MEF2A: variants seen among roughly 807,000 people sequenced by gnomAD.
MEF2A encodes myocyte-specific enhancer factor 2A.
Under a neutral mutation model 55.8 loss-of-function variants are expected in MEF2A, and 28 were observed. The observed-to-expected ratio is 0.50, with a 90% CI of 0.37 to 0.69. MEF2A has a LOEUF of 0.69. MEF2A is among the 30% of genes least tolerant of loss of function. The pLI, the probability that MEF2A is intolerant of heterozygous loss-of-function variation, is 0.00. For missense variants in MEF2A, 528 were observed against 626.2 expected (o/e 0.84, Z 1.67); for synonymous variants, 239 against 227.1 (o/e 1.05, Z -0.47).
intron 4 of MEF2A, among the ~76,000 whole-genome samples, chr15:99,646,742 T>C (rs1291429232): frequency 1.3e-5 from 2 of 152,134 alleles, no homozygotes; most frequent in Non-Finnish European, 2.9e-5. Context: ...CAAGTTGTTA[T>C]TGTTCCGAAA....
intron 2 of MEF2A, among the ~76,000 whole-genome samples, chr15:99,629,439 G>T (rs890031186): frequency 6.6e-6 from 1 of 152,192 alleles, no homozygotes; most frequent in Non-Finnish European, 1.5e-5. Flanking sequence ...GTCTGGGGTC[G>T]GGTCGTACAA....
chr15:99,614,587 A>G (rs2039881361), intron 2 of MEF2A, among the ~76,000 whole-genome samples: 1 of 152,190 alleles, frequency 6.6e-6, no homozygotes, highest in South Asian at 2.1e-4. Flanking sequence ...CAAACATTTA[A>G]TTGTATAAGG....
chr15:99,591,413 G>C (rs1433088634), intron 1 of MEF2A, among the ~76,000 whole-genome samples: 4 of 151,916 alleles, frequency 2.6e-5, no homozygotes, highest in African/African-American at 9.7e-5. Flanking sequence ...TATTATCTTT[G>C]TTCCTCTGTG....
intron 4 of MEF2A, among the ~76,000 whole-genome samples, chr15:99,652,443 G>A (rs1350843616): frequency 2.0e-5 from 3 of 152,162 alleles, no homozygotes; most frequent in Admixed American, 1.3e-4. Flanking sequence ...AACAGGGTCT[G>A]TGGCCCCGGG....
chr15:99,571,373 G>A (rs764993720), intron 1 of MEF2A, among the ~76,000 whole-genome samples: 1 of 152,164 alleles, frequency 6.6e-6, no homozygotes. Context: ...AGGATTAAAT[G>A]AGGTGTGTAT....
intron 3 of MEF2A, among the ~76,000 whole-genome samples, chr15:99,639,066 A>T (rs1364488675): frequency 6.6e-6 from 1 of 152,194 alleles, no homozygotes; most frequent in Non-Finnish European, 1.5e-5. Context: ...GCAGTTTAAA[A>T]ATAAAAGTTT....
rs779351665 is a variant in MEF2A, at chr15:99,671,447, G to A, written c.383G>A (p.Arg128Gln). Residue 128 changes from arginine to glutamine, a missense_variant, in exon 5 of 12, where the codon CGA (arginine) becomes CAA (glutamine). Around this residue, in one of 2 missense-constraint regions of MEF2A, gnomAD observed 450 missense variants for 475.3 expected, o/e 0.95. Transcript: ENST00000557942. ...GAAGATAGTGATTTTATTTTCAAACGAGGCCCTGTAAGTACTTTTACTTTA... is the reference window on the plus strand; with the variant it reads ...GAAGATAGTGATTTTATTTTCAAACAAGGCCCTGTAAGTACTTTTACTTTA... ...LNEDSDFIFK[R>Q]GPPGLPPQNF... 17 of 1,613,786 alleles carry A rather than the reference G, an allele frequency of 1.1e-5. No individual in the cohort carries two copies. The highest frequency in any genetic ancestry group is 1.4e-5 in the Non-Finnish European group (17 of 1,179,828).
intron 1 of MEF2A, among the ~76,000 whole-genome samples, chr15:99,585,493 A>G (rs1201433220): frequency 6.6e-6 from 1 of 152,226 alleles, no homozygotes; most frequent in Admixed American, 6.5e-5. Context: ...AAAAAATTAT[A>G]GTATTCAGCT....
intron 2 of MEF2A, among the ~76,000 whole-genome samples, chr15:99,626,295 A>T (rs2042041173): frequency 6.6e-6 from 1 of 152,142 alleles, no homozygotes; most frequent in Admixed American, 6.5e-5. Context: ...TTATTTCTAT[A>T]GAGTAAGTTG....
intron 2 of MEF2A, among the ~76,000 whole-genome samples, chr15:99,600,031 A>G (rs1466971740): frequency 6.6e-6 from 1 of 152,132 alleles, no homozygotes; most frequent in African/African-American, 2.4e-5. Context: ...AGGATCCTGG[A>G]ACCAATTTCC....
At chr15:99,571,337 T>C (rs936636171) in intron 1 of MEF2A, among the ~76,000 whole-genome samples, 2 of 152,248 alleles carry the variant, frequency 1.3e-5, no homozygotes, top group African/African-American at 4.8e-5. Context: ...ATAGTAATTA[T>C]AACATTATTT....
chr15:99,589,140 T>C (rs1384912212), intron 1 of MEF2A, among the ~76,000 whole-genome samples: 2 of 152,218 alleles, frequency 1.3e-5, no homozygotes, highest in African/African-American at 4.8e-5. Flanking sequence ...ACAGCTGATA[T>C]TAAATCTTTA....
chr15:99,627,566 C>T (rs1375834177), intron 2 of MEF2A, among the ~76,000 whole-genome samples: 1 of 150,686 alleles, frequency 6.6e-6, no homozygotes, highest in Non-Finnish European at 1.5e-5. Context: ...CATCACAAAA[C>T]TCAGTAGTCT....
At chr15:99,598,397 A>G (rs1971940372) in intron 1 of MEF2A, 33 bp from the exon 2 acceptor site, 1 of 152,228 alleles carries the variant, frequency 6.6e-6, no homozygotes, top group African/African-American at 2.4e-5. Flanking sequence ...AGTCAAGAAC[A>G]ATAATGCATC....
intron 2 of MEF2A, among the ~76,000 whole-genome samples, chr15:99,617,285 GTATT>G (rs937690666): frequency 6.8e-6 from 1 of 147,246 alleles, no homozygotes; most frequent in African/African-American, 2.5e-5. Context: ...TGTATGGTCT[GTATT>G]TATTTGTAAG....
chr15:99,574,567 A>G (rs930871176), intron 1 of MEF2A, among the ~76,000 whole-genome samples: 1 of 152,162 alleles, frequency 6.6e-6, no homozygotes, highest in African/African-American at 2.4e-5. Context: ...AGATTCTCAT[A>G]AGGAGTGCAC....
intron 4 of MEF2A, among the ~76,000 whole-genome samples, chr15:99,667,895 CAG>C (rs1303568341): frequency 2.0e-5 from 3 of 152,090 alleles, no homozygotes; most frequent in Non-Finnish European, 1.5e-5. Flanking sequence ...CTAAACAATA[CAG>C]AGTTTTAAGA....
intron 8 of MEF2A, among the ~76,000 whole-genome samples, chr15:99,703,155 G>C (rs2057615963): frequency 6.6e-6 from 1 of 152,220 alleles, no homozygotes; most frequent in Non-Finnish European, 1.5e-5. Context: ...ACTGGCCCTA[G>C]AGAATTTAAA....
intron 8 of MEF2A, among the ~76,000 whole-genome samples, chr15:99,702,732 TC>T (rs1248847409): frequency 6.6e-6 from 1 of 152,240 alleles, no homozygotes. Flanking sequence ...AGTCTCATTT[TC>T]TTCAAATATG....
Sources: gnomAD v4.1 joint callset for allele counts (sites outside exome capture counted in the v4.1 genomes callset) on GRCh38, gnomAD v4.1.1 for gene constraint, gnomAD v4.1.1 regional missense constraint, MANE v1.5 for transcripts, NCBI Gene and HGNC (gene_info 2026-07-23, HGNC 2026-07-21) for gene names.